Variants in CDC42BPA observed in about 807,000 individuals in gnomAD.
CDC42BPA encodes the protein CDC42 binding protein kinase alpha, also known as serine/threonine-protein kinase MRCK alpha.
In CDC42BPA, 80 loss-of-function variants were observed where a neutral mutation model predicts 223.5. The ratio of observed to expected loss-of-function variants is 0.36; its 90% CI spans 0.30 to 0.43. The LOEUF (loss-of-function observed/expected upper bound fraction) is 0.43, where lower values mean the gene tolerates loss of function less well. Among genes scored for constraint, CDC42BPA ranks in the 20% least tolerant of loss-of-function variants. The pLI is 1.00. For synonymous variants in CDC42BPA, 694 were observed against 718.6 expected (o/e 0.97, Z 0.55); for missense variants, 1,743 against 2,099.9 (o/e 0.83, Z 3.32).
chr1:227,304,856 G>C (rs536067697), intron 1 of CDC42BPA, among the ~76,000 whole-genome samples: 2 of 152,120 alleles, frequency 1.3e-5, no homozygotes, highest in African/African-American at 4.8e-5. Flanking sequence ...CTATGGTAGT[G>C]GTCACATGAC....
At chr1:227,202,277 C>T (rs945374371) in intron 3 of CDC42BPA, among the ~76,000 whole-genome samples, 1 of 152,154 alleles carries the variant, frequency 6.6e-6, no homozygotes, top group Non-Finnish European at 1.5e-5. Flanking sequence ...CCACCACACC[C>T]GGCCGCTCTG....
At chr1:227,144,551 G>A (rs1660316016) in intron 8 of CDC42BPA, among the ~76,000 whole-genome samples, 4 of 111,926 alleles carry the variant, frequency 3.6e-5, no homozygotes. Context: ...CTCCAGCCTG[G>A]GAGACAGAGC....
At chr1:227,042,705 A>G (rs1671629861) in intron 23 of CDC42BPA, among the ~76,000 whole-genome samples, 1 of 152,164 alleles carries the variant, frequency 6.6e-6, no homozygotes, top group Non-Finnish European at 1.5e-5. Context: ...CCTCCTGGTC[A>G]ATATTTGATA....
intron 20 of CDC42BPA, among the ~76,000 whole-genome samples, chr1:227,070,787 G>C (rs528316436): frequency 1.8e-4 from 27 of 151,880 alleles, no homozygotes; most frequent in African/African-American, 6.3e-4. Context: ...ATTTTGTTCT[G>C]CAATATTCAA....
chr1:227,293,972 A>C (rs992570831), intron 1 of CDC42BPA, among the ~76,000 whole-genome samples: 1 of 152,076 alleles, frequency 6.6e-6, no homozygotes, highest in Non-Finnish European at 1.5e-5. Flanking sequence ...AGTAAATTAA[A>C]TGTTTAAAAA....
intron 24 of CDC42BPA, among the ~76,000 whole-genome samples, chr1:227,036,043 T>C (rs952188349): frequency 7.2e-5 from 11 of 152,306 alleles, no homozygotes; most frequent in Admixed American, 3.9e-4. Flanking sequence ...ACTCTACCAA[T>C]CCTTGAAAAT....
chr1:227,171,675 T>C (rs749422549), intron 5 of CDC42BPA, among the ~76,000 whole-genome samples: 2 of 150,896 alleles, frequency 1.3e-5, no homozygotes, highest in African/African-American at 2.4e-5. Flanking sequence ...TATGGGTGAT[T>C]TTTTTTTTAA....
At chr1:227,050,289 A>C (rs1320901736) in intron 22 of CDC42BPA, among the ~76,000 whole-genome samples, 1 of 152,188 alleles carries the variant, frequency 6.6e-6, no homozygotes, top group Non-Finnish European at 1.5e-5. Flanking sequence ...AATACCCATC[A>C]AGCTGGCAAA....
At chr1:227,027,660 C>G (rs1306501495) in intron 30 of CDC42BPA, among the ~76,000 whole-genome samples, 1 of 152,212 alleles carries the variant, frequency 6.6e-6, no homozygotes, top group Non-Finnish European at 1.5e-5. Flanking sequence ...CACTTACACT[C>G]TACTGCAACT....
intron 4 of CDC42BPA, among the ~76,000 whole-genome samples, chr1:227,196,341 T>TTTTTTTTTTTTTTC (rs1365623881): frequency 7.1e-5 from 9 of 127,450 alleles, no homozygotes; most frequent in South Asian, 2.8e-4. Flanking sequence ...AACAATACTT[T>TTTTTTTTTTTTTTC]TTTTTTTTTT....
chr1:227,016,515 G>A (rs537946138), intron 33 of CDC42BPA, among the ~76,000 whole-genome samples: 1 of 152,220 alleles, frequency 6.6e-6, no homozygotes, highest in South Asian at 2.1e-4. Context: ...TAACACTTTA[G>A]AAACGGTCTT....
chr1:227,088,876 C>A (rs1015562125), intron 16 of CDC42BPA, among the ~76,000 whole-genome samples: 2 of 152,066 alleles, frequency 1.3e-5, no homozygotes, highest in African/African-American at 2.4e-5. Context: ...CAGGCACGTG[C>A]CACCGCACCC....
chr1:227,025,849 T>C (rs1333141584), intron 31 of CDC42BPA, among the ~76,000 whole-genome samples: 1 of 152,190 alleles, frequency 6.6e-6, no homozygotes, highest in Non-Finnish European at 1.5e-5. Context: ...AAACCAAATA[T>C]AGTAAAATTA....
At chr1:227,181,861 A>G (rs1667992677) in intron 5 of CDC42BPA, among the ~76,000 whole-genome samples, 1 of 152,212 alleles carries the variant, frequency 6.6e-6, no homozygotes, top group African/African-American at 2.4e-5. Flanking sequence ...CAGTAAATTG[A>G]AGGTAAAAAG....
At chr1:227,260,963 C>A (rs1269964081) in intron 1 of CDC42BPA, among the ~76,000 whole-genome samples, 1 of 150,826 alleles carries the variant, frequency 6.6e-6, no homozygotes, top group African/African-American at 2.5e-5. Flanking sequence ...AATACTGTGA[C>A]TATACATTAA....
chr1:227,066,034 G>A (rs1391927294), intron 21 of CDC42BPA, among the ~76,000 whole-genome samples: 1 of 152,164 alleles, frequency 6.6e-6, no homozygotes. Context: ...AGGCATATAA[G>A]CATCAAGCAC....
intron 2 of CDC42BPA, among the ~76,000 whole-genome samples, chr1:227,233,707 C>T (rs1678463181): frequency 6.6e-6 from 1 of 152,068 alleles, no homozygotes; most frequent in South Asian, 2.1e-4. Context: ...CTGAGGTGGG[C>T]AGATCACCTG....
In CDC42BPA at chr1:227,033,724, C is replaced by A. The variant is rs184331432; in HGVS notation, c.3477-309G>T. 3.3e-5 allele frequency among the ~76,000 whole-genome samples: 5 copies of A among 152,220 alleles called. No homozygotes were observed. The East Asian group carries it at 9.6e-4, about 29-fold the overall frequency. On this transcript the variant is annotated intron_variant, in intron 26 of 36. Coordinates refer to ENST00000366766, the MANE Select transcript of CDC42BPA (RefSeq NM_001394014.1). ...GTAGGTCTCTGGAGCCTCCAGTGGA[C>A]CCTCTTGCCTCCCATAATAAATCTT... is the stretch of plus-strand genomic sequence containing the variant.
chr1:227,113,793 G>C (rs550874517), intron 12 of CDC42BPA, among the ~76,000 whole-genome samples: 1 of 151,222 alleles, frequency 6.6e-6, no homozygotes, highest in African/African-American at 2.4e-5. Flanking sequence ...CAGGAGGATT[G>C]CTTGAGCCAA....
Sources: gnomAD v4.1 joint callset for allele counts (sites outside exome capture counted in the v4.1 genomes callset) on GRCh38, gnomAD v4.1.1 for gene constraint, MANE v1.5 for transcripts, NCBI Gene and HGNC (gene_info 2026-07-23, HGNC 2026-07-21) for gene names.